Variants in WDPCP observed in about 807,000 individuals in gnomAD.
WDPCP encodes WD repeat containing planar cell polarity effector.
Under a neutral mutation model 93.1 loss-of-function variants are expected in WDPCP, and 71 were observed. The observed-to-expected ratio is 0.76, with a 90% CI of 0.63 to 0.93. The LOEUF is 0.93. Among genes scored for constraint, WDPCP ranks in the 40% least tolerant of loss-of-function variants. The probability of loss-of-function intolerance (pLI) is 0.00; values close to 1 mark genes in which losing one functional copy is unlikely to be tolerated. For synonymous variants in WDPCP, 315 were observed against 315.0 expected (o/e 1.00, Z 0.00); for missense variants, 844 against 887.4 (o/e 0.95, Z 0.62).
chr2:63,254,835 A>G (rs140462427), intron 14 of WDPCP, among the ~76,000 whole-genome samples: 203 of 152,314 alleles, frequency 1.3e-3, no homozygotes, highest in Admixed American at 2.6e-3. Flanking sequence ...AGGCAGAGAT[A>G]TTGAAGCAAA....
At chr2:63,391,526 A>T (rs1693247201) in intron 10 of WDPCP, among the ~76,000 whole-genome samples, 1 of 151,984 alleles carries the variant, frequency 6.6e-6, no homozygotes, top group Admixed American at 6.6e-5. Flanking sequence ...AACATATTGG[A>T]AGTTCTGGCT....
At chr2:63,158,669 T>A (rs1262677315) in intron 15 of WDPCP, among the ~76,000 whole-genome samples, 1 of 152,154 alleles carries the variant, frequency 6.6e-6, no homozygotes, top group Non-Finnish European at 1.5e-5. Flanking sequence ...ACAGCTCTAA[T>A]GTCATGAATG....
rs183098079 is a variant in WDPCP at position 63,377,606 on chromosome 2, C to T, written c.1748+780G>A. On this transcript the variant is annotated intron_variant, in intron 12 of 17. Coordinates refer to ENST00000272321, the MANE Select transcript of WDPCP (RefSeq NM_015910.7). ...TTAAGAAACAGAACATTACTAATAC[C>T]TTAGAGGCTATTATATGCTTATTTT... Among the ~76,000 whole-genome samples the T allele has an allele frequency of 6.0e-5, 9 of 151,224 alleles. No individual in the cohort carries two copies. The East Asian group carries it at 1.8e-3, about 29-fold the overall frequency.
At chr2:63,486,829 T>C (rs558922164) in intron 3 of WDPCP, among the ~76,000 whole-genome samples, 2 of 152,010 alleles carry the variant, frequency 1.3e-5, no homozygotes, top group South Asian at 4.2e-4. Flanking sequence ...GGTGGACCAA[T>C]ATCCTGAGCT....
intron 2 of WDPCP, among the ~76,000 whole-genome samples, chr2:63,793,486 C>G (rs1235956074): frequency 1.3e-5 from 2 of 151,982 alleles, no homozygotes; most frequent in Non-Finnish European, 2.9e-5. Context: ...TGGCCCATAC[C>G]CGTAATCCCA....
chr2:63,653,125 C>A (rs1344706353), intron 2 of WDPCP, among the ~76,000 whole-genome samples: 3 of 152,132 alleles, frequency 2.0e-5, no homozygotes, highest in Non-Finnish European at 4.4e-5. Flanking sequence ...GGTGGTCTTG[C>A]TGAGTAGAGA....
In WDPCP at chr2:63,156,249, C is replaced by T. The variant is rs558001325; in HGVS notation, c.2079-2675G>A. On this transcript the variant is annotated intron_variant, in intron 15 of 17. Coordinates refer to ENST00000272321, the MANE Select transcript of WDPCP (RefSeq NM_015910.7). The stretch of plus-strand genomic sequence containing the variant: ...AACTCCTGACCTCATGTGATCCGCC[C>T]TCCTAGGCCTCCCAAAGTGTTGGGA... 5.3e-5 allele frequency among the ~76,000 whole-genome samples: 8 copies of T among 152,116 alleles called. No individual in the cohort carries two copies. In the South Asian group the frequency reaches 1.7e-3, roughly 32 times the overall value.
At chr2:63,549,321 G>T (rs1472814750) in intron 1 of WDPCP, among the ~76,000 whole-genome samples, 1 of 149,304 alleles carries the variant, frequency 6.7e-6, no homozygotes, top group African/African-American at 2.5e-5. Context: ...AATAAAAAGA[G>T]CCTCAAAGGA....
intron 14 of WDPCP, among the ~76,000 whole-genome samples, chr2:63,195,392 A>ATCTT (rs1193367670): frequency 6.6e-6 from 1 of 152,228 alleles, no homozygotes; most frequent in Non-Finnish European, 1.5e-5. Flanking sequence ...AGAAGTGGGC[A>ATCTT]TCTTACATAT....
chr2:63,277,548 G>T (rs1032900388), intron 13 of WDPCP, among the ~76,000 whole-genome samples: 4 of 152,212 alleles, frequency 2.6e-5, no homozygotes, highest in African/African-American at 7.2e-5. Flanking sequence ...TTAAGGTAAA[G>T]AGGTGGAAAA....
intron 9 of WDPCP, 103 bp from the exon 10 acceptor site, chr2:63,404,760 T>C (rs888715311): frequency 7.8e-5 from 109 of 1,400,462 alleles, no homozygotes; most frequent in Middle Eastern, 1.9e-4. Context: ...AGAAAATCAA[T>C]TACTATCTTA....
At chr2:63,226,686 T>C (rs1678320151) in intron 14 of WDPCP, among the ~76,000 whole-genome samples, 1 of 151,930 alleles carries the variant, frequency 6.6e-6, no homozygotes, top group Admixed American at 6.6e-5. Flanking sequence ...TCTGTATTAC[T>C]GTAGAACATA....
At chr2:63,833,955 G>A in the WDPCP span, among the ~76,000 whole-genome samples, 3 of 151,880 alleles carry the variant, frequency 2.0e-5, no homozygotes, top group African/African-American at 7.3e-5. Flanking sequence ...ATATGAACAT[G>A]TGTAAGTGTA....
chr2:63,406,735 CTTAGCAAGTCCTAT>C (rs1278608990), intron 9 of WDPCP, among the ~76,000 whole-genome samples: 5 of 152,152 alleles, frequency 3.3e-5, no homozygotes, highest in Non-Finnish European at 5.9e-5. Context: ...CTGAGGGGAA[CTTAGCAAGTCCTAT>C]TTGTTCAGAT....
chr2:63,700,303 AC>A (rs150173541), intron 2 of WDPCP, among the ~76,000 whole-genome samples: 2,095 of 97,606 alleles, frequency 0.021, 172 homozygotes, highest in African/African-American at 0.03. Context: ...AAAAAAAAAA[AC>A]AAAAAGAAAA....
chr2:63,236,489 CA>C (rs1164122646), intron 14 of WDPCP, among the ~76,000 whole-genome samples: 2 of 152,084 alleles, frequency 1.3e-5, no homozygotes, highest in African/African-American at 4.8e-5. Flanking sequence ...CCAAAATTCA[CA>C]TGGAATTTAA....
intron 1 of WDPCP, among the ~76,000 whole-genome samples, chr2:63,566,511 T>TTGTCA (rs1558817480): frequency 6.6e-6 from 1 of 152,220 alleles, no homozygotes; most frequent in Admixed American, 6.5e-5. Context: ...TGGGCACATG[T>TTGTCA]TGTCAGGACT....
chr2:63,596,731 A>C (rs895255568), intron 3 of WDPCP, among the ~76,000 whole-genome samples: 1 of 152,198 alleles, frequency 6.6e-6, no homozygotes, highest in African/African-American at 2.4e-5. Flanking sequence ...TTTTTAATAC[A>C]ATCAACAAAG....
At chr2:63,476,994 A>C (rs1342029461) in intron 6 of WDPCP, among the ~76,000 whole-genome samples, 1 of 152,216 alleles carries the variant, frequency 6.6e-6, no homozygotes, top group Non-Finnish European at 1.5e-5. Flanking sequence ...CAGAATTGTT[A>C]TGGATGGAAA....
Sources: allele counts gnomAD v4.1 joint callset (sites outside exome capture counted in the v4.1 genomes callset), GRCh38; gene constraint gnomAD v4.1.1; transcripts MANE v1.5; gene names NCBI Gene and HGNC (gene_info 2026-07-23, HGNC 2026-07-21).